Variants in KCNH1 observed in about 807,000 individuals in gnomAD.
KCNH1 encodes the protein potassium voltage-gated channel subfamily H member 1, also known as voltage-gated delayed rectifier potassium channel KCNH1.
KCNH1 carries 27 observed loss-of-function variants against 69.2 expected under a neutral mutation model. That is an observed-to-expected ratio of 0.39 (90% CI 0.29 to 0.54). The LOEUF is 0.54. Among genes scored for constraint, KCNH1 ranks in the 20% least tolerant of loss-of-function variants. The probability of loss-of-function intolerance (pLI) is 0.68; values close to 1 mark genes in which losing one functional copy is unlikely to be tolerated. For missense variants in KCNH1, 798 were observed against 1,261.6 expected (o/e 0.63, Z 5.57); for synonymous variants, 456 against 487.7 (o/e 0.93, Z 0.86).
intron 6 of KCNH1, among the ~76,000 whole-genome samples, chr1:210,958,021 C>A (rs1309289169): frequency 6.6e-6 from 1 of 152,176 alleles, no homozygotes; most frequent in Non-Finnish European, 1.5e-5. Flanking sequence ...ATGATCTTTA[C>A]AATTTGGCAT....
At chr1:210,894,339 G>A (rs998705212) in intron 7 of KCNH1, among the ~76,000 whole-genome samples, 5 of 152,144 alleles carry the variant, frequency 3.3e-5, no homozygotes, top group Admixed American at 6.6e-5. Context: ...AGACCCTTCT[G>A]ACTACTCAAT....
intron 6 of KCNH1, among the ~76,000 whole-genome samples, chr1:210,932,099 G>T (rs1173490115): frequency 3.3e-5 from 5 of 152,040 alleles, no homozygotes; most frequent in Non-Finnish European, 7.4e-5. Flanking sequence ...GGAGAGATAT[G>T]GACATCCACC....
At chr1:210,867,237 G>A (rs775354226) in intron 7 of KCNH1, among the ~76,000 whole-genome samples, 6 of 151,462 alleles carry the variant, frequency 4.0e-5, no homozygotes, top group Non-Finnish European at 7.4e-5. Flanking sequence ...CTATTGAATT[G>A]TACATTTTAA....
chr1:210,770,434 A>G (rs1362965656), intron 10 of KCNH1, among the ~76,000 whole-genome samples: 2 of 152,250 alleles, frequency 1.3e-5, no homozygotes, highest in African/African-American at 4.8e-5. Context: ...CAAACAAGGA[A>G]ACTGAGGCTC....
intron 3 of KCNH1, among the ~76,000 whole-genome samples, chr1:211,097,777 G>C (rs1691183654): frequency 6.6e-6 from 1 of 152,224 alleles, no homozygotes. Flanking sequence ...AATGCTGTCA[G>C]ATGCCTTTCC....
chr1:210,807,526 C>T lies in KCNH1; in HGVS notation c.1463-3360G>A, dbSNP rs1255089156. Among the ~76,000 whole-genome samples the T allele has an allele frequency of 2.6e-5, 4 of 152,092 alleles. No individual in the cohort carries two copies. The East Asian group carries it at 5.8e-4, about 22-fold the overall frequency. ...ACTTGGAAGGCTAAGGCACAAGAAT[C>T]ACTTGAACCTGGGAGGTGCATGTTG... On this transcript the variant is annotated intron_variant, in intron 7 of 10. Coordinates refer to ENST00000271751, the MANE Select transcript of KCNH1 (RefSeq NM_172362.3).
At chr1:210,984,857 T>C (rs1415899265) in intron 6 of KCNH1, among the ~76,000 whole-genome samples, 1 of 152,228 alleles carries the variant, frequency 6.6e-6, no homozygotes, top group African/African-American at 2.4e-5. Context: ...TCAGAAGGAA[T>C]GGTACCAGCT....
intron 10 of KCNH1, among the ~76,000 whole-genome samples, chr1:210,766,511 T>G (rs1777263): frequency 0.61 from 91,766 of 151,186 alleles, 28,199 homozygotes; most frequent in African/African-American, 0.66. Context: ...GGCAACAAGA[T>G]TGAGGGGGGG....
intron 6 of KCNH1, among the ~76,000 whole-genome samples, chr1:210,982,391 G>A (rs1478704237): frequency 6.6e-6 from 1 of 151,930 alleles, no homozygotes; most frequent in African/African-American, 2.4e-5. Context: ...TTTAGCATTA[G>A]GTATATCTCC....
intron 1 of KCNH1, among the ~76,000 whole-genome samples, chr1:211,117,810 C>A (rs1042293991): frequency 3.9e-5 from 6 of 152,058 alleles, no homozygotes; most frequent in Non-Finnish European, 8.8e-5. Flanking sequence ...ATGCTTCTGG[C>A]AGCAATAAAA....
intron 5 of KCNH1, among the ~76,000 whole-genome samples, chr1:211,026,527 A>G (rs950936764): frequency 6.6e-6 from 1 of 151,688 alleles, no homozygotes; most frequent in Non-Finnish European, 1.5e-5. Context: ...TTGTGCCCCC[A>G]CCCCGCCTCA....
At position 210,718,629 on chromosome 1, in the gene KCNH1, AAT is replaced by A. The variant is rs1171400507; in HGVS notation, c.2113-34493_2113-34492del. Among the ~76,000 whole-genome samples, 12 of 114,490 alleles carry A rather than the reference AAT, an allele frequency of 1.0e-4. 1 individual carries two copies. Among genetic ancestry groups the A allele is most frequent in the African/African-American group, 4.4e-4 (12 of 27,524 alleles). The allele number at this position is 114,490 out of a possible 152,430, so 75.1% of individuals were successfully genotyped here. A position where few individuals can be genotyped will look rare whatever the true frequency, so the allele number is the denominator to read the frequency against. ...ATAAAATTATATGTATGTGTGTATA[AAT>A]ATATATATACATATATATATACACA... On this transcript the variant is annotated intron_variant, in intron 10 of 10. Transcript: ENST00000271751.
At chr1:210,998,935 G>C (rs956475353) in intron 6 of KCNH1, among the ~76,000 whole-genome samples, 2 of 152,144 alleles carry the variant, frequency 1.3e-5, no homozygotes, top group African/African-American at 4.8e-5. Flanking sequence ...ATGAAATGAA[G>C]GCAGAAATAA....
At chr1:210,835,330 A>G (rs923628105) in intron 7 of KCNH1, among the ~76,000 whole-genome samples, 5 of 152,318 alleles carry the variant, frequency 3.3e-5, no homozygotes, top group African/African-American at 1.2e-4. Context: ...AAAGGCCATT[A>G]AATATGTTCA....
chr1:210,907,139 G>A (rs1411504988), intron 7 of KCNH1, among the ~76,000 whole-genome samples: 1 of 152,104 alleles, frequency 6.6e-6, no homozygotes, highest in East Asian at 1.9e-4. Context: ...CAATCACATG[G>A]ATGCAAAAAG....
At chr1:211,069,224 C>T (rs955790933) in intron 5 of KCNH1, among the ~76,000 whole-genome samples, 10 of 152,026 alleles carry the variant, frequency 6.6e-5, no homozygotes, top group Non-Finnish European at 1.3e-4. Context: ...ATTCATAGCC[C>T]GGGGCACAGA....
At chr1:210,897,653 T>C (rs1002629778) in intron 7 of KCNH1, among the ~76,000 whole-genome samples, 12 of 152,188 alleles carry the variant, frequency 7.9e-5, no homozygotes, top group African/African-American at 2.7e-4. Flanking sequence ...GCTCTTGCTA[T>C]GGTTTTCTCT....
At chr1:210,996,349 T>C (rs1443457128) in intron 6 of KCNH1, among the ~76,000 whole-genome samples, 5 of 152,046 alleles carry the variant, frequency 3.3e-5, no homozygotes, top group African/African-American at 1.2e-4. Context: ...CGGCACCTGG[T>C]TCGGAGGGTC....
intron 6 of KCNH1, among the ~76,000 whole-genome samples, chr1:210,925,037 G>A (rs1687540206): frequency 6.6e-6 from 1 of 152,130 alleles, no homozygotes; most frequent in Non-Finnish European, 1.5e-5. Flanking sequence ...CCATAAAACT[G>A]AAAGAGGTAA....
Sources: gnomAD v4.1 joint callset for allele counts (sites outside exome capture counted in the v4.1 genomes callset) on GRCh38, gnomAD v4.1.1 for gene constraint, MANE v1.5 for transcripts, NCBI Gene and HGNC (gene_info 2026-07-23, HGNC 2026-07-21) for gene names.